DIP2C: variants seen among roughly 807,000 people sequenced by gnomAD.
DIP2C encodes disco-interacting protein 2 homolog C.
Under a neutral mutation model 192.4 loss-of-function variants are expected in DIP2C, and 33 were observed. The ratio of observed to expected loss-of-function variants is 0.17; its 90% CI spans 0.13 to 0.23. The LOEUF (loss-of-function observed/expected upper bound fraction) is 0.23. Ranked by LOEUF, DIP2C falls within the 10% of genes least tolerant of loss-of-function variation. DIP2C has a pLI of 1.00. For missense variants in DIP2C, 1,537 were observed against 2,110.1 expected (o/e 0.73, Z 5.32); for synonymous variants, 979 against 864.1 (o/e 1.13, Z -2.33).
chr10:494,441 C>A (rs1040385185), intron 1 of DIP2C, among the ~76,000 whole-genome samples: 3 of 152,194 alleles, frequency 2.0e-5, no homozygotes, highest in Non-Finnish European at 4.4e-5. Flanking sequence ...ACTCCCTCAC[C>A]CAGAGTCTGA....
intron 32 of DIP2C, among the ~76,000 whole-genome samples, chr10:305,516 G>T (rs1252555760): frequency 6.6e-6 from 1 of 152,196 alleles, no homozygotes; most frequent in African/African-American, 2.4e-5. Context: ...AATTAATTTA[G>T]TATCTATGCT....
intron 1 of DIP2C, among the ~76,000 whole-genome samples, chr10:671,235 G>A (rs1182446164): frequency 6.6e-6 from 1 of 152,258 alleles, no homozygotes; most frequent in African/African-American, 2.4e-5. Context: ...TGACTAGAGA[G>A]AAGCGACGGC....
chr10:635,289 T>A (rs973382771), intron 1 of DIP2C, among the ~76,000 whole-genome samples: 1 of 152,260 alleles, frequency 6.6e-6, no homozygotes, highest in African/African-American at 2.4e-5. Context: ...CTCACTTTCC[T>A]GCACACTGAA....
intron 17 of DIP2C, among the ~76,000 whole-genome samples, chr10:377,708 A>G (rs1961796852): frequency 6.6e-6 from 1 of 152,214 alleles, no homozygotes; most frequent in Admixed American, 6.5e-5. Flanking sequence ...ATCAGCACCC[A>G]GTGGGCATCA....
chr10:375,637 C>G (rs147581234), intron 17 of DIP2C, among the ~76,000 whole-genome samples: 2 of 152,172 alleles, frequency 1.3e-5, no homozygotes, highest in Non-Finnish European at 2.9e-5. Flanking sequence ...CGCATAACAC[C>G]TTGAAGTAGC....
chr10:287,010 G>A (rs1307797084), intron 33 of DIP2C, among the ~76,000 whole-genome samples: 2 of 144,900 alleles, frequency 1.4e-5, no homozygotes, highest in African/African-American at 2.6e-5. Flanking sequence ...TGGATCTCCA[G>A]CTCATCTCCA....
In DIP2C at chr10:276,460, A is replaced by G. The variant is rs1207218498; in HGVS notation, c.*865T>C. ...GTTCATTAGTGAATTTATATTTCAT[A>G]TATATATATTTGTTGTGATACTATC... On this transcript the variant is annotated 3_prime_UTR_variant, in exon 37 of 37. Coordinates refer to ENST00000280886, the MANE Select transcript of DIP2C (RefSeq NM_014974.3). 1 of 152,616 alleles carries G rather than the reference A, an allele frequency of 6.6e-6. No homozygotes were observed. Among genetic ancestry groups the G allele is most frequent in the Non-Finnish European group, 1.5e-5 (1 of 68,036 alleles). 9.5% of individuals were successfully genotyped at this position (152,616 alleles called of 1,614,324 possible).
intron 1 of DIP2C, among the ~76,000 whole-genome samples, chr10:526,729 G>C (rs1201931870): frequency 1.3e-5 from 2 of 152,286 alleles, no homozygotes; most frequent in Non-Finnish European, 2.9e-5. Flanking sequence ...GAAACTTCCG[G>C]AAGGCATTTG....
intron 2 of DIP2C, among the ~76,000 whole-genome samples, chr10:474,307 A>G (rs1376263414): frequency 3.3e-5 from 5 of 152,178 alleles, no homozygotes; most frequent in African/African-American, 1.2e-4. Context: ...ATACCGTTCT[A>G]TCTTACGCTT....
chr10:308,289 G>A (rs771322653), intron 32 of DIP2C, among the ~76,000 whole-genome samples: 3 of 149,648 alleles, frequency 2.0e-5, no homozygotes, highest in African/African-American at 5.1e-5. Flanking sequence ...CGTGGGTGCC[G>A]ACCAGAGGCA....
rs983310653 is a variant in DIP2C, at chr10:578,040, A to G, written c.86-91510T>C. On this transcript the variant is annotated intron_variant, in intron 1 of 36. Coordinates refer to ENST00000280886, the MANE Select transcript of DIP2C (RefSeq NM_014974.3). ...ACTAATTTTAAAAATCCAAATAACT[A>G]CAATCTTAGATTTGAGATTATTCTC... Among the ~76,000 whole-genome samples the G allele has an allele frequency of 5.3e-5, 8 of 152,206 alleles. 1 individual carries two copies. The highest frequency in any genetic ancestry group is 5.2e-4 in the Admixed American group (8 of 15,278).
At chr10:474,715 T>G (rs1189596334) in intron 2 of DIP2C, among the ~76,000 whole-genome samples, 1 of 152,250 alleles carries the variant, frequency 6.6e-6, no homozygotes, top group African/African-American at 2.4e-5. Flanking sequence ...CTTCTCTTTC[T>G]ACCCCAGTGA....
intron 4 of DIP2C, among the ~76,000 whole-genome samples, chr10:433,684 AAAAAT>A (rs1006968091): frequency 2.6e-5 from 4 of 152,192 alleles, no homozygotes; most frequent in African/African-American, 7.2e-5. Context: ...CCATCTCAAA[AAAAAT>A]AAAATAAATA....
chr10:577,919 A>C (rs1850277830), intron 1 of DIP2C, among the ~76,000 whole-genome samples: 1 of 151,760 alleles, frequency 6.6e-6, no homozygotes, highest in Admixed American at 6.6e-5. Context: ...CCTGGAATTT[A>C]CCTTTGAGAC....
intron 3 of DIP2C, among the ~76,000 whole-genome samples, chr10:453,494 C>G (rs79710026): frequency 6.6e-6 from 1 of 152,172 alleles, no homozygotes; most frequent in African/African-American, 2.4e-5. Context: ...GGAGGCTCAG[C>G]AGTCAGGACA....
intron 32 of DIP2C, among the ~76,000 whole-genome samples, chr10:300,391 G>T (rs1247990025): frequency 2.0e-5 from 3 of 147,874 alleles, no homozygotes; most frequent in Non-Finnish European, 4.6e-5. Context: ...AGCCAGTCAC[G>T]AAAAGACAAA....
Position 440,857 on chromosome 10 carries a change from A to G in DIP2C, c.394+14T>C, listed in dbSNP as rs1461927166. ...GCACATTCAGGAGGCCGTGTCGGGG[A>G]GCGTGTCCCTTACCTGGAGGGGTGT... is the stretch of plus-strand genomic sequence containing the variant. On this transcript the variant is annotated intron_variant, in intron 4 of 36. Coordinates refer to ENST00000280886, the MANE Select transcript of DIP2C (RefSeq NM_014974.3). The G allele has an allele frequency of 1.2e-6, 2 of 1,608,322 alleles. No individual in the cohort carries two copies. Among genetic ancestry groups the G allele is most frequent in the Non-Finnish European group, 1.7e-6 (2 of 1,178,354 alleles).
chr10:610,843 G>T (rs1461554239), intron 1 of DIP2C, among the ~76,000 whole-genome samples: 1 of 149,988 alleles, frequency 6.7e-6, no homozygotes. Flanking sequence ...GGCCCTGGTG[G>T]GAGGTGACTG....
intron 29 of DIP2C, among the ~76,000 whole-genome samples, chr10:335,743 T>C (rs931076242): frequency 6.6e-6 from 1 of 152,228 alleles, no homozygotes; most frequent in Non-Finnish European, 1.5e-5. Flanking sequence ...CTGGACCAGC[T>C]GGTTCAGGCT....
Sources: gnomAD v4.1 joint callset for allele counts (sites outside exome capture counted in the v4.1 genomes callset) on GRCh38, gnomAD v4.1.1 for gene constraint, MANE v1.5 for transcripts, NCBI Gene and HGNC (gene_info 2026-07-23, HGNC 2026-07-21) for gene names.